The following JAZF1 variants were observed in gnomAD, a reference collection of about 807,000 sequenced individuals.
The protein encoded by JAZF1 is JAZF zinc finger 1.
Under a neutral mutation model 26.4 loss-of-function variants are expected in JAZF1, and 8 were observed. That is an observed-to-expected ratio of 0.30 (90% CI 0.18 to 0.55). The LOEUF is 0.55. JAZF1 is among the 20% of genes least tolerant of loss of function. The pLI, the probability that JAZF1 is intolerant of heterozygous loss-of-function variation, is 0.94. For synonymous variants in JAZF1, 126 were observed against 122.3 expected, an observed-to-expected ratio of 1.03 and a Z score of -0.20; for missense variants, 199 against 322.0, an observed-to-expected ratio of 0.62 and a Z score of 2.92.
intron 1 of JAZF1, among the ~76,000 whole-genome samples, chr7:28,126,201 T>G (rs1400315711): frequency 6.6e-6 from 1 of 152,196 alleles, no homozygotes; most frequent in Non-Finnish European, 1.5e-5. Flanking sequence ...AAAAGCAATG[T>G]GCTTGCCTCA....
At chr7:27,978,903 G>C (rs186976838) in intron 2 of JAZF1, among the ~76,000 whole-genome samples, 2 of 151,418 alleles carry the variant, frequency 1.3e-5, no homozygotes, top group East Asian at 3.9e-4. Flanking sequence ...TTTTTGGGGG[G>C]AGAAAGGCAG....
chr7:27,853,405 C>A (rs1783187247), intron 3 of JAZF1, among the ~76,000 whole-genome samples: 1 of 152,106 alleles, frequency 6.6e-6, no homozygotes, highest in Non-Finnish European at 1.5e-5. Context: ...CAGGGCTGTG[C>A]ACGTGAGGTT....
chr7:27,849,935 C>T (rs538197112), intron 3 of JAZF1, among the ~76,000 whole-genome samples: 28 of 152,272 alleles, frequency 1.8e-4, no homozygotes, highest in Admixed American at 1.4e-3. Context: ...CTTTGCTGAC[C>T]CCTTACCCGT....
intron 1 of JAZF1, among the ~76,000 whole-genome samples, chr7:28,064,580 C>G (rs528208510): frequency 1.3e-5 from 2 of 152,166 alleles, no homozygotes; most frequent in Non-Finnish European, 2.9e-5. Flanking sequence ...AGGAAGCAAA[C>G]TTTCAACAAC....
chr7:28,039,584 C>T (rs1039512301), intron 1 of JAZF1, among the ~76,000 whole-genome samples: 37 of 152,220 alleles, frequency 2.4e-4, no homozygotes, highest in African/African-American at 7.7e-4. Flanking sequence ...TGTTAGCTTC[C>T]TTTCTTTTCA....
intron 4 of JAZF1, among the ~76,000 whole-genome samples, chr7:27,838,097 T>C (rs928808488): frequency 3.9e-5 from 6 of 152,012 alleles, no homozygotes; most frequent in Non-Finnish European, 8.8e-5. Flanking sequence ...AAAAATGTAC[T>C]TAACTGTTCT....
At chr7:27,989,704 C>G (rs575876085) in intron 2 of JAZF1, among the ~76,000 whole-genome samples, 10 of 152,318 alleles carry the variant, frequency 6.6e-5, no homozygotes, top group African/African-American at 2.4e-4. Context: ...CACTGGCCAT[C>G]AGAGAAATGC....
At chr7:27,853,145 G>T (rs1783182024) in intron 3 of JAZF1, among the ~76,000 whole-genome samples, 1 of 152,078 alleles carries the variant, frequency 6.6e-6, no homozygotes, top group African/African-American at 2.4e-5. Flanking sequence ...CAGTTTTGGG[G>T]TATCTACTGA....
At chr7:27,939,348 T>C (rs975274691) in intron 2 of JAZF1, among the ~76,000 whole-genome samples, 2 of 152,136 alleles carry the variant, frequency 1.3e-5, no homozygotes, top group East Asian at 1.9e-4. Context: ...AAGGACTGAG[T>C]AGCAGGCTGA....
chr7:28,097,186 A>G (rs562357041), intron 1 of JAZF1, among the ~76,000 whole-genome samples: 22 of 152,316 alleles, frequency 1.4e-4, no homozygotes, highest in African/African-American at 5.1e-4. Context: ...ATTGCAAAAA[A>G]TGAAATCTTG....
chr7:27,892,191 G>A (rs968776140), intron 3 of JAZF1, among the ~76,000 whole-genome samples: 5 of 152,180 alleles, frequency 3.3e-5, no homozygotes, highest in African/African-American at 9.7e-5. Context: ...AAAATTGTAC[G>A]TGGTAGGGGT....
rs1008485575 is a variant in JAZF1 at position 27,832,283 on chromosome 7, T to C, written c.*517A>G. 2.4e-5 allele frequency: 5 copies of C among 212,626 alleles called. No homozygotes were observed. The highest frequency in any genetic ancestry group is 1.8e-4 in the Admixed American group (3 of 17,056). 13.2% of individuals were successfully genotyped at this position (212,626 alleles called of 1,614,324 possible). Reference sequence around the variant, plus strand: ...ATATTATGTTAAACATTCTTTCTTATTTATATTTCCATTACCTAAAGTCTT... The same window carrying C: ...ATATTATGTTAAACATTCTTTCTTACTTATATTTCCATTACCTAAAGTCTT... On this transcript the variant is annotated 3_prime_UTR_variant, in exon 5 of 5. Coordinates refer to ENST00000283928, the MANE Select transcript of JAZF1 (RefSeq NM_175061.4).
chr7:27,997,506 C>T (rs1786040847), intron 1 of JAZF1, among the ~76,000 whole-genome samples: 1 of 152,192 alleles, frequency 6.6e-6, no homozygotes, highest in Admixed American at 6.5e-5. Context: ...CAGTTAAGTG[C>T]ATGGTCAACA....
rs575720331 is a variant in JAZF1 at position 27,908,169 on chromosome 7, T to A, written c.189-12753A>T. 5.9e-5 allele frequency among the ~76,000 whole-genome samples: 9 copies of A among 152,362 alleles called. No individual in the cohort carries two copies. The South Asian group carries it at 1.9e-3, about 32-fold the overall frequency. On this transcript the variant is annotated intron_variant, in intron 2 of 4. Transcript: ENST00000283928. ...TTAGTGACATATTCAGATAACAGCA[T>A]CTATTCATGAAATGTAATTATGTAT...
At chr7:28,074,065 T>C (rs574981612) in intron 1 of JAZF1, among the ~76,000 whole-genome samples, 2 of 152,278 alleles carry the variant, frequency 1.3e-5, no homozygotes, top group South Asian at 4.1e-4. Flanking sequence ...TAGCTAACAG[T>C]ACTGTACAGG....
At chr7:28,056,166 G>C (rs1783703935) in intron 1 of JAZF1, among the ~76,000 whole-genome samples, 1 of 151,854 alleles carries the variant, frequency 6.6e-6, no homozygotes, top group South Asian at 2.1e-4. Flanking sequence ...AATAATAAAG[G>C]GGTGGGGGAA....
At position 28,046,633 on chromosome 7, in the gene JAZF1, TC is replaced by T. The variant is rs201694084; in HGVS notation, c.116-54653del. ...GAAAGAATGTTCCAAGAGCGTCCTT[TC>T]TGACACAACTTCCCAAGTGCTGGAC... On this transcript the variant is annotated intron_variant, in intron 1 of 4. Transcript: ENST00000283928. Among the ~76,000 whole-genome samples, 220 of 152,348 alleles carry T rather than the reference TC, an allele frequency of 1.4e-3. 3 individuals carry two copies. The highest frequency in any genetic ancestry group is 5.1e-3 in the African/African-American group (213 of 41,580).
intron 2 of JAZF1, among the ~76,000 whole-genome samples, chr7:27,984,524 G>A (rs1385763422): frequency 6.6e-6 from 1 of 152,144 alleles, no homozygotes; most frequent in African/African-American, 2.4e-5. Flanking sequence ...ACACCCCACT[G>A]TCACCATTAG....
intron 1 of JAZF1, among the ~76,000 whole-genome samples, chr7:28,053,605 A>G (rs1435146710): frequency 2.0e-5 from 3 of 152,224 alleles, no homozygotes; most frequent in Admixed American, 6.5e-5. Context: ...AATAGATAAA[A>G]CAGTATTTTC....
Sources: allele counts gnomAD v4.1 joint callset (sites outside exome capture counted in the v4.1 genomes callset), GRCh38; gene constraint gnomAD v4.1.1; transcripts MANE v1.5; gene names NCBI Gene and HGNC (gene_info 2026-07-23, HGNC 2026-07-21).